INSR: variants seen among roughly 807,000 people sequenced by gnomAD.
INSR encodes the protein insulin receptor, also known as IR.
In INSR, 67 loss-of-function variants were observed where a neutral mutation model predicts 142.6. The observed-to-expected ratio is 0.47, with a 90% CI of 0.39 to 0.58. The LOEUF (loss-of-function observed/expected upper bound fraction) is 0.58. Among genes scored for constraint, INSR ranks in the 20% least tolerant of loss-of-function variants. The pLI, the probability that INSR is intolerant of heterozygous loss-of-function variation, is 0.00. For missense variants in INSR, 1,248 were observed against 1,833.2 expected, an observed-to-expected ratio of 0.68 and a Z score of 5.83; for synonymous variants, 756 against 743.1, an observed-to-expected ratio of 1.02 and a Z score of -0.28.
chr19:7,254,873 G>A (rs1329974364), intron 2 of INSR, among the ~76,000 whole-genome samples: 1 of 152,142 alleles, frequency 6.6e-6, no homozygotes, highest in Admixed American at 6.6e-5. Context: ...AGAAAAACTT[G>A]TCAGGCCAGT....
intron 2 of INSR, among the ~76,000 whole-genome samples, chr19:7,250,744 C>T (rs1408946842): frequency 6.6e-6 from 1 of 152,012 alleles, no homozygotes; most frequent in African/African-American, 2.4e-5. Context: ...TGCAAACGAA[C>T]AGCATCAAGC....
intron 2 of INSR, among the ~76,000 whole-genome samples, chr19:7,220,231 G>A (rs1392187298): frequency 6.6e-6 from 1 of 152,208 alleles, no homozygotes; most frequent in Non-Finnish European, 1.5e-5. Context: ...CCTCTCCAGA[G>A]ATGAGTAATC....
intron 2 of INSR, among the ~76,000 whole-genome samples, chr19:7,211,190 C>T (rs1178331513): frequency 6.6e-6 from 1 of 152,110 alleles, no homozygotes; most frequent in African/African-American, 2.4e-5. Context: ...CCTCAGCCTC[C>T]CATGTAGCTG....
intron 2 of INSR, among the ~76,000 whole-genome samples, chr19:7,241,131 A>G (rs1235761943): frequency 1.3e-5 from 2 of 151,412 alleles, no homozygotes; most frequent in Non-Finnish European, 2.9e-5. Context: ...CTCCAACTGT[A>G]TCTTACATTT....
At chr19:7,218,274 C>T (rs1600041681) in intron 2 of INSR, among the ~76,000 whole-genome samples, 1 of 151,886 alleles carries the variant, frequency 6.6e-6, no homozygotes, top group Non-Finnish European at 1.5e-5. Flanking sequence ...CTAGTAAACA[C>T]CCTAAAATGC....
At chr19:7,121,913 C>T (rs1195690819) in intron 19 of INSR, among the ~76,000 whole-genome samples, 3 of 152,142 alleles carry the variant, frequency 2.0e-5, no homozygotes, top group African/African-American at 7.2e-5. Context: ...GAGGCCAACA[C>T]AGGTGGATCA....
rs369828888 is a variant in INSR, at chr19:7,276,377, C to T, written c.101-8481G>A. On this transcript the variant is annotated intron_variant, in intron 1 of 21. Coordinates refer to ENST00000302850, the MANE Select transcript of INSR (RefSeq NM_000208.4). The stretch of plus-strand genomic sequence containing the variant: ...CCCAGGCTGGTCTCAATATCCTGGG[C>T]TCAAGCAGTCCTGCGTCGGCCTCCC... Among the ~76,000 whole-genome samples, 25 of 152,182 alleles carry T rather than the reference C, an allele frequency of 1.6e-4. No homozygotes were observed. The East Asian group carries it at 2.7e-3, about 16-fold the overall frequency.
At chr19:7,147,959 G>T (rs1208635303) in intron 11 of INSR, among the ~76,000 whole-genome samples, 1 of 152,158 alleles carries the variant, frequency 6.6e-6, no homozygotes, top group Non-Finnish European at 1.5e-5. Flanking sequence ...TGTTGCCCAG[G>T]CTGGAGTGCA....
intron 2 of INSR, among the ~76,000 whole-genome samples, chr19:7,202,946 G>A (rs1284970999): frequency 1.3e-5 from 2 of 150,290 alleles, no homozygotes; most frequent in Admixed American, 6.6e-5. Context: ...ATTAGAACCC[G>A]TACAATGTCT....
intron 1 of INSR, among the ~76,000 whole-genome samples, chr19:7,275,184 A>G (rs1968029394): frequency 6.6e-6 from 1 of 151,942 alleles, no homozygotes; most frequent in Admixed American, 6.6e-5. Flanking sequence ...CATGTTGGCC[A>G]GGCTGGTCTC....
intron 1 of INSR, chr19:7,268,348 C>G: frequency 1.3e-6 from 1 of 799,218 alleles, no homozygotes; most frequent in Non-Finnish European, 1.5e-6. Flanking sequence ...CCTCCCACCT[C>G]GCTGGCTGAC....
intron 10 of INSR, among the ~76,000 whole-genome samples, chr19:7,151,744 G>A (rs544635617): frequency 5.6e-4 from 85 of 152,072 alleles, no homozygotes; most frequent in Non-Finnish European, 1.0e-3. Context: ...GGTGGTTCTG[G>A]GAGAAAAGTC....
intron 14 of INSR, among the ~76,000 whole-genome samples, chr19:7,130,588 C>T (rs1431461338): frequency 6.6e-6 from 1 of 152,098 alleles, no homozygotes; most frequent in Non-Finnish European, 1.5e-5. Flanking sequence ...GTGTGTAGCA[C>T]CATCTCCCCG....
At chr19:7,124,856 A>G (rs560694086) in intron 17 of INSR, among the ~76,000 whole-genome samples, 2 of 151,380 alleles carry the variant, frequency 1.3e-5, no homozygotes, top group South Asian at 4.2e-4. Flanking sequence ...AGTAGGAACG[A>G]GGGCAGGTGG....
chr19:7,163,847 G>A (rs2144931844), intron 8 of INSR, among the ~76,000 whole-genome samples: 2 of 146,960 alleles, frequency 1.4e-5, no homozygotes, highest in South Asian at 4.3e-4. Context: ...GAAGGCCGAG[G>A]TGGGCGAATC....
intron 2 of INSR, among the ~76,000 whole-genome samples, chr19:7,197,514 G>GTGTGTGTGTGTGT: frequency 3.7e-5 from 1 of 26,992 alleles, no homozygotes; most frequent in African/African-American, 1.0e-4. Context: ...AGTGGGAGTG[G>GTGTGTGTGTGTGT]GGGTGTGTGT....
chr19:7,219,802 C>G (rs1471240035), intron 2 of INSR, among the ~76,000 whole-genome samples: 1 of 152,224 alleles, frequency 6.6e-6, no homozygotes, highest in East Asian at 1.9e-4. Context: ...CCCCATCTCT[C>G]TCCCTTTCCT....
chr19:7,135,863 G>C (rs1165091756), intron 13 of INSR, among the ~76,000 whole-genome samples: 1 of 151,646 alleles, frequency 6.6e-6, no homozygotes, highest in Non-Finnish European at 1.5e-5. Context: ...AGATACTCAA[G>C]AGGCTGAGGG....
chr19:7,152,839 G>T lies in INSR; in HGVS notation c.2118C>A (p.Ala706=). The change falls in exon 10 of 22, where the codon GCC becomes GCA. Residue 706 remains alanine (A), a synonymous_variant. Transcript: ENST00000302850. The part of the protein sequence containing the change: ...KHNQSEYEDS[A]GECCSCPKTD... ...TCTTTGGACAGGAGCAGCATTCGCC[G>T]GCCGAATCCTCATACTCACTCTGGT... is the stretch of plus-strand genomic sequence containing the variant. The T allele has an allele frequency of 6.2e-7, 1 of 1,613,420 alleles. No homozygotes were observed. The highest frequency in any genetic ancestry group is 8.5e-7 in the Non-Finnish European group (1 of 1,179,916).
Sources: gnomAD v4.1 joint callset for allele counts (sites outside exome capture counted in the v4.1 genomes callset) on GRCh38, gnomAD v4.1.1 for gene constraint, MANE v1.5 for transcripts, NCBI Gene and HGNC (gene_info 2026-07-23, HGNC 2026-07-21) for gene names.